Variants in MYO5B observed in about 807,000 individuals in gnomAD.
The protein encoded by MYO5B is unconventional myosin-Vb.
In MYO5B, 143 loss-of-function variants were observed where a neutral mutation model predicts 229.3. The ratio of observed to expected loss-of-function variants is 0.62; its 90% CI spans 0.54 to 0.72. The LOEUF (loss-of-function observed/expected upper bound fraction) is 0.72, where lower values mean the gene tolerates loss of function less well. MYO5B is among the 30% of genes least tolerant of loss of function. The probability of loss-of-function intolerance (pLI) is 0.00; values close to 1 mark genes in which losing one functional copy is unlikely to be tolerated. For missense variants in MYO5B, 2,321 were observed against 2,331.0 expected (o/e 1.00, Z 0.09); for synonymous variants, 918 against 885.2 (o/e 1.04, Z -0.66).
intron 2 of MYO5B, among the ~76,000 whole-genome samples, chr18:50,053,818 A>G (rs1253680616): frequency 6.6e-6 from 1 of 152,256 alleles, no homozygotes; most frequent in Non-Finnish European, 1.5e-5. Context: ...AAGAATAGGC[A>G]GGAAATGATC....
intron 2 of MYO5B, among the ~76,000 whole-genome samples, chr18:50,052,121 T>G (rs149891923): frequency 6.6e-6 from 1 of 152,174 alleles, no homozygotes; most frequent in Non-Finnish European, 1.5e-5. Flanking sequence ...TGTAAACTAG[T>G]TCGACCATTG....
intron 22 of MYO5B, among the ~76,000 whole-genome samples, chr18:49,890,545 G>C (rs1410056157): frequency 6.6e-6 from 1 of 152,236 alleles, no homozygotes; most frequent in Non-Finnish European, 1.5e-5. Flanking sequence ...ACATGCTAAA[G>C]AACTGTCTTT....
At chr18:49,844,568 C>T (rs768075226) in intron 33 of MYO5B, among the ~76,000 whole-genome samples, 16 of 152,212 alleles carry the variant, frequency 1.1e-4, no homozygotes, top group Non-Finnish European at 1.5e-4. Context: ...GTTACATTGT[C>T]CCTGCTCCAA....
At chr18:49,831,248 A>T (rs997010941) in intron 39 of MYO5B, among the ~76,000 whole-genome samples, 2 of 152,218 alleles carry the variant, frequency 1.3e-5, no homozygotes, top group Admixed American at 6.5e-5. Context: ...AGAGCATAGG[A>T]AACAAAAAAA....
intron 4 of MYO5B, among the ~76,000 whole-genome samples, chr18:50,031,724 T>C (rs1387585452): frequency 3.9e-5 from 6 of 151,990 alleles, no homozygotes; most frequent in African/African-American, 7.2e-5. Flanking sequence ...CAGAGAAAAA[T>C]TTTTCTTTGA....
intron 22 of MYO5B, among the ~76,000 whole-genome samples, chr18:49,888,206 C>G (rs929685866): frequency 5.9e-5 from 9 of 152,118 alleles, no homozygotes; most frequent in African/African-American, 2.2e-4. Flanking sequence ...CTGTGCATTA[C>G]TGGGTGTTCA....
intron 1 of MYO5B, among the ~76,000 whole-genome samples, chr18:50,059,114 T>C (rs561260836): frequency 1.8e-4 from 27 of 152,322 alleles, no homozygotes; most frequent in Admixed American, 1.7e-3. Context: ...ATCTTCCAAA[T>C]ATACTGTTGG....
At chr18:49,951,432 T>A (rs2025429886) in intron 14 of MYO5B, among the ~76,000 whole-genome samples, 1 of 152,284 alleles carries the variant, frequency 6.6e-6, no homozygotes, top group South Asian at 2.1e-4. Context: ...TTTCACTAAG[T>A]TCCATGAGAT....
At chr18:50,060,169 T>C (rs1289653323) in intron 1 of MYO5B, among the ~76,000 whole-genome samples, 1 of 152,240 alleles carries the variant, frequency 6.6e-6, no homozygotes, top group Non-Finnish European at 1.5e-5. Flanking sequence ...TTTTATATTA[T>C]GTAAATTTTT....
intron 7 of MYO5B, among the ~76,000 whole-genome samples, chr18:49,988,417 A>G (rs996693915): frequency 6.6e-6 from 1 of 152,176 alleles, no homozygotes; most frequent in Non-Finnish European, 1.5e-5. Context: ...TGGGAAAAAA[A>G]TACTGATCAA....
intron 21 of MYO5B, among the ~76,000 whole-genome samples, chr18:49,896,269 C>T (rs778284709): frequency 6.6e-6 from 1 of 152,176 alleles, no homozygotes; most frequent in Non-Finnish European, 1.5e-5. Context: ...CAGAATGAGA[C>T]ATGCTACCCG....
At chr18:50,002,812 A>C (rs1465825175) in intron 4 of MYO5B, among the ~76,000 whole-genome samples, 7 of 152,132 alleles carry the variant, frequency 4.6e-5, no homozygotes, top group African/African-American at 1.7e-4. Flanking sequence ...CCATATGAGG[A>C]CAGGTTTAGA....
chr18:49,923,279 C>T (rs1161120233), intron 17 of MYO5B, among the ~76,000 whole-genome samples: 1 of 152,218 alleles, frequency 6.6e-6, no homozygotes. Context: ...CTGTTTCAAT[C>T]TCATATCACT....
chr18:49,909,538 C>T (rs62098756), intron 18 of MYO5B, among the ~76,000 whole-genome samples: 2,848 of 152,312 alleles, frequency 0.019, 42 homozygotes, highest in Middle Eastern at 0.058. Context: ...TTGGCTAGTT[C>T]CCCAGCCAGC....
At chr18:50,091,550 T>C (rs2031448731) in intron 1 of MYO5B, among the ~76,000 whole-genome samples, 1 of 152,210 alleles carries the variant, frequency 6.6e-6, no homozygotes, top group South Asian at 2.1e-4. Context: ...ACCTAACGGA[T>C]GTATGTACAA....
chr18:50,152,987 T>C (rs1405136411), intron 1 of MYO5B, among the ~76,000 whole-genome samples: 2 of 152,176 alleles, frequency 1.3e-5, no homozygotes, highest in East Asian at 3.9e-4. Flanking sequence ...ATTTTCCTTG[T>C]GAAAAATGCA....
intron 1 of MYO5B, among the ~76,000 whole-genome samples, chr18:50,104,023 G>A (rs2031705400): frequency 1.3e-5 from 2 of 148,538 alleles, no homozygotes; most frequent in Admixed American, 6.7e-5. Context: ...AAAATAGCCC[G>A]TGTAGTAGTG....
intron 4 of MYO5B, among the ~76,000 whole-genome samples, chr18:50,003,713 G>C (rs756394331): frequency 6.6e-6 from 1 of 152,118 alleles, no homozygotes; most frequent in Non-Finnish European, 1.5e-5. Context: ...TTATAGCAGC[G>C]ACACCCAAAA....
intron 2 of MYO5B, among the ~76,000 whole-genome samples, chr18:50,047,777 A>T (rs1009797650): frequency 1.3e-5 from 2 of 152,106 alleles, no homozygotes; most frequent in African/African-American, 4.8e-5. Flanking sequence ...TGATGAGTTC[A>T]TGTCCTTTGT....
Sources: allele counts gnomAD v4.1 joint callset (sites outside exome capture counted in the v4.1 genomes callset), GRCh38; gene constraint gnomAD v4.1.1; transcripts MANE v1.5; gene names NCBI Gene and HGNC (gene_info 2026-07-23, HGNC 2026-07-21).